The following SIAH1 variants were observed in gnomAD, a reference collection of about 807,000 sequenced individuals.
The protein encoded by SIAH1 is E3 ubiquitin-protein ligase SIAH1.
A neutral mutation model predicts 20.0 loss-of-function variants in SIAH1; 2 were observed. The observed-to-expected ratio is 0.10, with a 90% CI of 0.04 to 0.31. The LOEUF (loss-of-function observed/expected upper bound fraction) is 0.31, where lower values mean the gene tolerates loss of function less well. SIAH1 is among the 10% of genes least tolerant of loss of function. The probability of loss-of-function intolerance (pLI) is 1.00; values close to 1 mark genes in which losing one functional copy is unlikely to be tolerated. For missense variants in SIAH1, 119 were observed against 355.3 expected (o/e 0.33, Z 5.35); for synonymous variants, 118 against 125.3 (o/e 0.94, Z 0.39).
chr16:48,384,092 C>A (rs1017713433), intron 1 of SIAH1, among the ~76,000 whole-genome samples: 3 of 152,156 alleles, frequency 2.0e-5, no homozygotes, highest in Non-Finnish European at 4.4e-5. Flanking sequence ...GGATTTGACC[C>A]AAAGCAGACA....
At chr16:48,378,914 A>C (rs891256900) in intron 1 of SIAH1, among the ~76,000 whole-genome samples, 1 of 152,078 alleles carries the variant, frequency 6.6e-6, no homozygotes, top group Non-Finnish European at 1.5e-5. Flanking sequence ...TCTCCCTTCC[A>C]CCCCACTGGT....
At chr16:48,363,940 C>CTTTTTTTTTTTTT (rs565145479) in intron 1 of SIAH1, 1 of 64,642 alleles carries the variant, frequency 1.5e-5, no homozygotes, top group Non-Finnish European at 3.1e-5. Flanking sequence ...AAGCCATAAT[C>CTTTTTTTTTTTTT]TTTTTTTTTT....
In SIAH1 at chr16:48,362,204, G is replaced by A; in HGVS notation, c.225C>T (p.Cys75=). 6.2e-7 allele frequency: 1 copy of A among 1,614,196 alleles called. No individual in the cohort carries two copies. The highest frequency in any genetic ancestry group is 1.3e-5 in the African/African-American group (1 of 75,052). ...TGCGAATGGATCCCAAAGGGCCCCG[G>A]CAAGTTGGACAACATGTGAGCTTTG... ...CRPKLTCCPT[C]RGPLGSIRNL... Residue 75 remains cysteine (C), a synonymous_variant, in exon 2 of 2, where the codon TGC becomes TGT. Transcript: ENST00000394725. This position sits in a 1 kb window ranked among gnomAD's most constrained non-coding sequence, Gnocchi z 4.2.
At chr16:48,369,450 A>G (rs1960928015) in intron 1 of SIAH1, among the ~76,000 whole-genome samples, 1 of 152,230 alleles carries the variant, frequency 6.6e-6, no homozygotes, top group African/African-American at 2.4e-5. Context: ...GCTAAACATT[A>G]GATATACATG....
At position 48,362,720 on chromosome 16, in the gene SIAH1, T is replaced by A. The variant is rs1000882423; in HGVS notation, c.-2-290A>T. ...CTACATAGAATAATAAATGCTAAAATAGAAAATGGACCATAAACAACTAAA... is the reference window on the plus strand; with the variant it reads ...CTACATAGAATAATAAATGCTAAAAAAGAAAATGGACCATAAACAACTAAA... On this transcript the variant is annotated intron_variant, in intron 1 of 1. Coordinates refer to ENST00000394725, the MANE Select transcript of SIAH1 (RefSeq NM_003031.4). This position sits in a 1 kb window ranked among gnomAD's most constrained non-coding sequence, Gnocchi z 4.2. The A allele has an allele frequency of 1.1e-5, 3 of 284,928 alleles. No homozygotes were observed. The Admixed American group carries it at 1.5e-4, about 14-fold the overall frequency. The allele number at this position is 284,928 out of a possible 1,614,324, so 17.6% of individuals were successfully genotyped here.
intron 1 of SIAH1, among the ~76,000 whole-genome samples, chr16:48,367,435 G>A (rs1960870428): frequency 6.6e-6 from 1 of 152,082 alleles, no homozygotes; most frequent in African/African-American, 2.4e-5. Context: ...TCAGAAAAGT[G>A]GAAGCATTCT....
intron 1 of SIAH1, among the ~76,000 whole-genome samples, chr16:48,380,499 C>T (rs1961247528): frequency 1.3e-5 from 2 of 151,606 alleles, no homozygotes; most frequent in Admixed American, 1.3e-4. Context: ...AACAAAACAA[C>T]CCAACCTAAA....
chr16:48,363,159 C>T (rs1227715027), intron 1 of SIAH1: 3 of 167,010 alleles, frequency 1.8e-5, no homozygotes, highest in Admixed American at 1.3e-4. Flanking sequence ...GAGGATACCG[C>T]GGATTGAATG....
At chr16:48,368,720 G>A (rs1419632617) in intron 1 of SIAH1, among the ~76,000 whole-genome samples, 1 of 151,936 alleles carries the variant, frequency 6.6e-6, no homozygotes, top group Non-Finnish European at 1.5e-5. Flanking sequence ...TCCAGCCTGG[G>A]CGACAGAGCA....
chr16:48,381,542 G>A (rs944005967), intron 1 of SIAH1, among the ~76,000 whole-genome samples: 17 of 152,102 alleles, frequency 1.1e-4, no homozygotes, highest in African/African-American at 3.9e-4. Flanking sequence ...AACCAACTGT[G>A]GTACATCTAG....
At chr16:48,385,719 C>G (rs1033331664), upstream of SIAH1, among the ~76,000 whole-genome samples, 2 of 152,074 alleles carry the variant, frequency 1.3e-5, no homozygotes, top group Admixed American at 6.5e-5. Flanking sequence ...CAGCTCCTCC[C>G]GCGGCGCTTT....
chr16:48,376,832 C>T (rs1054734306), intron 1 of SIAH1, among the ~76,000 whole-genome samples: 1 of 152,136 alleles, frequency 6.6e-6, no homozygotes, highest in African/African-American at 2.4e-5. Context: ...AGTAAAGCTA[C>T]CTTACCCAAC....
At chr16:48,366,483 C>A (rs1046086745) in intron 1 of SIAH1, among the ~76,000 whole-genome samples, 1 of 152,234 alleles carries the variant, frequency 6.6e-6, no homozygotes, top group Admixed American at 6.5e-5. Flanking sequence ...ACTTCTGCCA[C>A]ATTAAACTCC....
chr16:48,375,648 C>CA (rs1179446793), intron 1 of SIAH1, among the ~76,000 whole-genome samples: 1 of 149,618 alleles, frequency 6.7e-6, no homozygotes, highest in Admixed American at 6.6e-5. Context: ...CAAAAAAAAA[C>CA]AAAAAACAAA....
Position 48,384,200 on chromosome 16 carries a change from T to C in SIAH1, c.-3+1004A>G, listed in dbSNP as rs1384151425. Among the ~76,000 whole-genome samples, 6 of 152,274 alleles carry C rather than the reference T, an allele frequency of 3.9e-5. No homozygotes were observed. In the East Asian group the frequency reaches 9.7e-4, roughly 25 times the overall value. On this transcript the variant is annotated intron_variant, in intron 1 of 1. Coordinates refer to ENST00000394725, the MANE Select transcript of SIAH1 (RefSeq NM_003031.4). ...TAAGCAAAGGTAAATGCTCAACTGCTAGGAAGGGACAGTCAGAACACCGTC... is the reference window on the plus strand; with the variant it reads ...TAAGCAAAGGTAAATGCTCAACTGCCAGGAAGGGACAGTCAGAACACCGTC...
chr16:48,363,057 G>A (rs1960666753), intron 1 of SIAH1: 1 of 166,990 alleles, frequency 6.0e-6, no homozygotes, highest in African/African-American at 2.4e-5. Context: ...TTATACAAGA[G>A]AATATGCACA....
rs1597022525 is a variant in SIAH1 at position 48,365,854 on chromosome 16, A to G, written c.-2-3424T>C. ...GGGGCGACGCGCTGGCTGAGAAGGA[A>G]GTGCGCTCCCTGAGCCAGCTCAAGA... is the stretch of plus-strand genomic sequence containing the variant. On this transcript the variant is annotated intron_variant, in intron 1 of 1. Coordinates refer to ENST00000394725, the MANE Select transcript of SIAH1 (RefSeq NM_003031.4). 5 of 1,251,332 alleles carry G rather than the reference A, an allele frequency of 4.0e-6. 1 individual carries two copies. In the South Asian group the frequency reaches 1.1e-4, roughly 28 times the overall value. 77.5% of individuals were successfully genotyped at this position (1,251,332 alleles called of 1,614,324 possible).
At chr16:48,387,130 C>T (rs894406487), upstream of SIAH1, 24 of 152,222 alleles carry the variant, frequency 1.6e-4, no homozygotes, top group Admixed American at 1.4e-3. Context: ...GCACACCAGT[C>T]TTGAAGTGCT....
intron 1 of SIAH1, among the ~76,000 whole-genome samples, chr16:48,372,739 G>A (rs1250617723): frequency 1.3e-5 from 2 of 152,128 alleles, no homozygotes; most frequent in East Asian, 1.9e-4. Flanking sequence ...GGGCAATTAA[G>A]GTATGCTTAA....
Sources: gnomAD v4.1 joint callset for allele counts (sites outside exome capture counted in the v4.1 genomes callset) on GRCh38, gnomAD v4.1.1 for gene constraint, Gnocchi (gnomAD v3.1) non-coding constraint, MANE v1.5 for transcripts, NCBI Gene and HGNC (gene_info 2026-07-23, HGNC 2026-07-21) for gene names.